The following CSMD1 variants were observed in gnomAD, a reference collection of about 807,000 sequenced individuals.
CSMD1 encodes the protein CUB and Sushi multiple domains 1.
A neutral mutation model predicts 417.5 loss-of-function variants in CSMD1; 213 were observed. The observed-to-expected ratio is 0.51, with a 90% CI of 0.46 to 0.57. CSMD1 has a LOEUF of 0.57. CSMD1 is among the 20% of genes least tolerant of loss of function. The pLI is 0.00. For synonymous variants in CSMD1, 2,862 were observed against 1,736.8 expected (o/e 1.65, Z -16.11); for missense variants, 6,923 against 4,529.7 (o/e 1.53, Z -15.17).
At chr8:3,753,815 G>A (rs1030295217) in intron 6 of CSMD1, 115 bp downstream of exon 6, 5 of 648,968 alleles carry the variant, frequency 7.7e-6, no homozygotes, top group Non-Finnish European at 1.0e-5. Context: ...GTGAATAAAA[G>A]AATTAGAAAC....
intron 1 of CSMD1, among the ~76,000 whole-genome samples, chr8:4,938,607 C>T (rs62488193): frequency 6.6e-6 from 1 of 152,158 alleles, no homozygotes; most frequent in Non-Finnish European, 1.5e-5. Flanking sequence ...CTTGCATAAA[C>T]ATTTATACAA....
intron 3 of CSMD1, among the ~76,000 whole-genome samples, chr8:4,203,763 C>CAT (rs1008043577): frequency 2.0e-5 from 3 of 152,020 alleles, no homozygotes; most frequent in African/African-American, 7.2e-5. Context: ...TAGACATTTG[C>CAT]ATATATATGT....
At chr8:3,317,794 G>A (rs750830825) in intron 23 of CSMD1, among the ~76,000 whole-genome samples, 22 of 152,150 alleles carry the variant, frequency 1.4e-4, no homozygotes, top group Non-Finnish European at 2.6e-4. Flanking sequence ...AAATAAAGTT[G>A]CTACTGTATA....
chr8:3,483,077 T>C (rs1429853633), intron 11 of CSMD1, among the ~76,000 whole-genome samples: 1 of 152,074 alleles, frequency 6.6e-6, no homozygotes, highest in African/African-American at 2.4e-5. Context: ...CTAGCATAAG[T>C]AATGCAAAAT....
rs57258918 is a variant in CSMD1, at chr8:4,613,249, T to C, written c.302+24093A>G. 0.018 allele frequency among the ~76,000 whole-genome samples: 2,715 copies of C among 152,282 alleles called. 135 individuals carry two copies. In the East Asian group the frequency reaches 0.18, roughly 10 times the overall value. On this transcript the variant is annotated intron_variant, in intron 2 of 69. Coordinates refer to ENST00000635120, the MANE Select transcript of CSMD1 (RefSeq NM_033225.6). ...GTGTGTACAAATTGTTGTTTGTATT[T>C]AAATGACAGAGTGATGAGCCAAGGC...
chr8:3,176,816 T>C (rs1445700569), intron 37 of CSMD1, among the ~76,000 whole-genome samples: 1 of 151,198 alleles, frequency 6.6e-6, no homozygotes, highest in Non-Finnish European at 1.5e-5. Context: ...TCTTGCTCTG[T>C]CTCCCAGGCT....
intron 5 of CSMD1, among the ~76,000 whole-genome samples, chr8:3,777,402 T>C (rs2720756): frequency 0.26 from 39,815 of 151,962 alleles, 5,871 homozygotes; most frequent in African/African-American, 0.4. Flanking sequence ...CCCCCTCCAC[T>C]GCTCTTGCAC....
intron 52 of CSMD1, among the ~76,000 whole-genome samples, chr8:3,007,090 A>T (rs1483570382): frequency 3.3e-4 from 47 of 144,448 alleles, no homozygotes; most frequent in Admixed American, 6.9e-4. Context: ...AAAAACAAAC[A>T]ACCCCATCAA....
At chr8:4,464,703 TG>T (rs1399228886) in intron 2 of CSMD1, among the ~76,000 whole-genome samples, 1 of 151,988 alleles carries the variant, frequency 6.6e-6, no homozygotes, top group Non-Finnish European at 1.5e-5. Flanking sequence ...TCTGTATTGT[TG>T]TGTTTTAATG....
At chr8:3,323,649 A>G (rs951245137) in intron 23 of CSMD1, among the ~76,000 whole-genome samples, 2 of 152,244 alleles carry the variant, frequency 1.3e-5, no homozygotes, top group African/African-American at 2.4e-5. Flanking sequence ...GTGTTTACAG[A>G]AGAAACACAT....
At chr8:3,373,603 C>A (rs1810113685) in intron 18 of CSMD1, 1 of 152,154 alleles carries the variant, frequency 6.6e-6, no homozygotes, top group Admixed American at 6.6e-5. Flanking sequence ...AGTGTCTATA[C>A]AGGTGAGGGC....
intron 25 of CSMD1, among the ~76,000 whole-genome samples, chr8:3,290,896 C>G (rs1803508213): frequency 6.6e-6 from 1 of 152,094 alleles, no homozygotes; most frequent in African/African-American, 2.4e-5. Flanking sequence ...GCATCCTGGT[C>G]TTGTGCCTGT....
At chr8:3,931,055 G>A (rs1171503349) in intron 5 of CSMD1, among the ~76,000 whole-genome samples, 3 of 150,300 alleles carry the variant, frequency 2.0e-5, no homozygotes, top group East Asian at 3.9e-4. Context: ...CGGTATGATC[G>A]CTGAGATAAA....
intron 1 of CSMD1, among the ~76,000 whole-genome samples, chr8:4,939,968 C>G (rs749648237): frequency 6.6e-6 from 1 of 152,012 alleles, no homozygotes; most frequent in Non-Finnish European, 1.5e-5. Context: ...ATTGGGAAAA[C>G]TTGAAAAATC....
At chr8:4,753,532 A>G (rs149842735) in intron 1 of CSMD1, among the ~76,000 whole-genome samples, 5 of 152,060 alleles carry the variant, frequency 3.3e-5, no homozygotes, top group African/African-American at 1.2e-4. Context: ...GTTGCTCGGT[A>G]TACTAAGTCT....
chr8:3,486,556 G>C (rs550679416), intron 11 of CSMD1, among the ~76,000 whole-genome samples: 1 of 151,992 alleles, frequency 6.6e-6, no homozygotes, highest in African/African-American at 2.4e-5. Context: ...GCCACAGTGA[G>C]TCTACACCTG....
chr8:3,856,057 G>C (rs1804287891), intron 5 of CSMD1, among the ~76,000 whole-genome samples: 1 of 151,830 alleles, frequency 6.6e-6, no homozygotes, highest in Non-Finnish European at 1.5e-5. Flanking sequence ...ACATCATACT[G>C]TGGAATGGTT....
intron 1 of CSMD1, among the ~76,000 whole-genome samples, chr8:4,684,298 A>G (rs1398895418): frequency 6.6e-6 from 1 of 152,226 alleles, no homozygotes; most frequent in Non-Finnish European, 1.5e-5. Context: ...AGGAGCGCAG[A>G]CTTGGTAAAA....
intron 1 of CSMD1, among the ~76,000 whole-genome samples, chr8:4,720,164 T>C (rs60508299): frequency 0.032 from 3,078 of 96,690 alleles, 95 homozygotes; most frequent in East Asian, 0.082. Context: ...TATACATACA[T>C]ATAACATATA....
Sources: allele counts gnomAD v4.1 joint callset (sites outside exome capture counted in the v4.1 genomes callset), GRCh38; gene constraint gnomAD v4.1.1; transcripts MANE v1.5; gene names NCBI Gene and HGNC (gene_info 2026-07-23, HGNC 2026-07-21).